Variants in PPP6R3 observed in about 807,000 individuals in gnomAD.
PPP6R3 encodes the protein protein phosphatase 6 regulatory subunit 3.
In PPP6R3, 38 loss-of-function variants were observed where a neutral mutation model predicts 110.7. The observed-to-expected ratio is 0.34, with a 90% confidence interval of 0.26 to 0.45. PPP6R3 has a LOEUF of 0.45. Among genes scored for constraint, PPP6R3 ranks in the 20% least tolerant of loss-of-function variants. The probability of loss-of-function intolerance (pLI) is 1.00; values close to 1 mark genes in which losing one functional copy is unlikely to be tolerated. For missense variants in PPP6R3, 870 were observed against 1,062.4 expected (o/e 0.82, Z 2.52); for synonymous variants, 369 against 373.5 (o/e 0.99, Z 0.14).
At chr11:68,518,303 CTCTT>C (rs1304050006) in intron 1 of PPP6R3, among the ~76,000 whole-genome samples, 1 of 152,182 alleles carries the variant, frequency 6.6e-6, no homozygotes, top group Non-Finnish European at 1.5e-5. Context: ...ATCATCTTGT[CTCTT>C]TCTGTGATGC....
intron 22 of PPP6R3, among the ~76,000 whole-genome samples, chr11:68,606,111 T>TA (rs1939609394): frequency 6.6e-6 from 1 of 152,218 alleles, no homozygotes; most frequent in South Asian, 2.1e-4. Flanking sequence ...AGTTAGGGTT[T>TA]ATCCTGGAAG....
intron 5 of PPP6R3, among the ~76,000 whole-genome samples, chr11:68,550,200 T>C (rs1345742377): frequency 5.3e-5 from 8 of 152,224 alleles, no homozygotes; most frequent in Admixed American, 4.6e-4. Flanking sequence ...TATTAAAATA[T>C]GAAGTTGGGC....
chr11:68,494,490 T>C (rs1248842421), intron 1 of PPP6R3, among the ~76,000 whole-genome samples: 2 of 151,760 alleles, frequency 1.3e-5, no homozygotes, highest in Non-Finnish European at 2.9e-5. Flanking sequence ...TTTCCCTATA[T>C]TCCCCTTCTA....
At chr11:68,462,605 T>A (rs1369812019) in intron 1 of PPP6R3, among the ~76,000 whole-genome samples, 1 of 152,194 alleles carries the variant, frequency 6.6e-6, no homozygotes, top group Admixed American at 6.5e-5. Flanking sequence ...TCAGCAAAGA[T>A]AGTTTGGGAA....
At chr11:68,497,003 A>C (rs980017648) in intron 1 of PPP6R3, among the ~76,000 whole-genome samples, 3 of 150,608 alleles carry the variant, frequency 2.0e-5, no homozygotes, top group Non-Finnish European at 4.4e-5. Flanking sequence ...CTGGGACTAC[A>C]GGTGCCCACC....
chr11:68,558,803 G>C (rs998224865), intron 8 of PPP6R3, 124 bp downstream of exon 8: 2 of 711,208 alleles, frequency 2.8e-6, no homozygotes, highest in African/African-American at 3.7e-5. Flanking sequence ...TTCTTCTTCT[G>C]CTATATAAAC....
chr11:68,532,926 C>T (rs572977257), intron 2 of PPP6R3, among the ~76,000 whole-genome samples: 18 of 152,294 alleles, frequency 1.2e-4, no homozygotes, highest in African/African-American at 2.6e-4. Flanking sequence ...TGCACAACGA[C>T]GAAGTCACCT....
At chr11:68,494,578 AAATT>A (rs1443396861) in intron 1 of PPP6R3, among the ~76,000 whole-genome samples, 1 of 152,138 alleles carries the variant, frequency 6.6e-6, no homozygotes, top group East Asian at 1.9e-4. Flanking sequence ...TTCATTAAGA[AAATT>A]AATGAAAAAT....
At chr11:68,534,003 T>C (rs1439011305) in intron 2 of PPP6R3, among the ~76,000 whole-genome samples, 1 of 152,170 alleles carries the variant, frequency 6.6e-6, no homozygotes, top group African/African-American at 2.4e-5. Context: ...ATGTTTTGGT[T>C]CTGCCATCCC....
intron 22 of PPP6R3, among the ~76,000 whole-genome samples, chr11:68,608,162 G>A (rs1235352750): frequency 6.6e-6 from 1 of 151,804 alleles, no homozygotes; most frequent in East Asian, 1.9e-4. Context: ...ATGGCAAACT[G>A]AAAAAAACAT....
chr11:68,564,496 G>A (rs1174919105), intron 9 of PPP6R3, 64 bp downstream of exon 9: 4 of 1,569,192 alleles, frequency 2.5e-6, no homozygotes, highest in African/African-American at 2.7e-5. Context: ...TCATTCGAAT[G>A]TGTACGGGCC....
rs1048585913 is a variant in PPP6R3, at chr11:68,599,850, G to A, written c.2039-491G>A. On this transcript the variant is annotated intron_variant, in intron 19 of 23. Coordinates refer to ENST00000393800, the MANE Select transcript of PPP6R3 (RefSeq NM_001164161.2). ...AGAAATGGGAGGTTTGAGGCCAGGC[G>A]CGGTGGCTCACGCCTGTAATCCCAG... Among the ~76,000 whole-genome samples, 16 of 152,276 alleles carry A rather than the reference G, an allele frequency of 1.1e-4. No homozygotes were observed. The East Asian group carries it at 1.2e-3, about 11-fold the overall frequency.
chr11:68,612,790 T>C (rs142610941), intron 23 of PPP6R3: 2 of 474,360 alleles, frequency 4.2e-6, no homozygotes, highest in South Asian at 4.2e-5. Flanking sequence ...TCCCTGTGCT[T>C]CTTGGAGGCC....
intron 1 of PPP6R3, among the ~76,000 whole-genome samples, chr11:68,479,531 A>G (rs776976075): frequency 4.3e-4 from 66 of 152,232 alleles, no homozygotes; most frequent in African/African-American, 1.1e-3. Flanking sequence ...TTCCCTTAGC[A>G]CTTTGACAGC....
chr11:68,565,940 A>AGG (rs1043996149), intron 9 of PPP6R3, among the ~76,000 whole-genome samples: 13 of 152,242 alleles, frequency 8.5e-5, no homozygotes, highest in African/African-American at 3.1e-4. Flanking sequence ...TGGGAGCCAG[A>AGG]GGGAGTGAGG....
At chr11:68,552,970 C>A (rs940786890) in intron 6 of PPP6R3, among the ~76,000 whole-genome samples, 1 of 152,204 alleles carries the variant, frequency 6.6e-6, no homozygotes, top group African/African-American at 2.4e-5. Context: ...CCTGTTGACA[C>A]TTCTGTTTTG....
Position 68,612,924 on chromosome 11 carries a change from A to ACATAT in PPP6R3, c.2571-138_2571-134dup, listed in dbSNP as rs543721930. On this transcript the variant is annotated intron_variant, in intron 23 of 23. Transcript: ENST00000393800. ...TCTAGAGCTTTTGCTCCATTCATTT[A>ACATAT]CATATCATTTTATTAAAAACTTACT... is the stretch of plus-strand genomic sequence containing the variant. The ACATAT allele has an allele frequency of 2.2e-3, 3,192 of 1,446,986 alleles. 93 individuals carry two copies. The South Asian group carries it at 0.041, about 19-fold the overall frequency. 89.6% of individuals were successfully genotyped at this position (1,446,986 alleles called of 1,614,324 possible).
chr11:68,591,494 C>A, intron 17 of PPP6R3, 82 bp from the exon 18 acceptor site: 2 of 1,332,732 alleles, frequency 1.5e-6, no homozygotes, highest in South Asian at 1.6e-5. Context: ...TGAAAAAATG[C>A]AATTTACATT....
intron 14 of PPP6R3, among the ~76,000 whole-genome samples, chr11:68,579,949 A>G (rs1185199453): frequency 6.6e-6 from 1 of 152,230 alleles, no homozygotes; most frequent in Non-Finnish European, 1.5e-5. Flanking sequence ...TGCCTTTGTC[A>G]CAATGTATCC....
Sources: allele counts gnomAD v4.1 joint callset (sites outside exome capture counted in the v4.1 genomes callset), GRCh38; gene constraint gnomAD v4.1.1; transcripts MANE v1.5; gene names NCBI Gene and HGNC (gene_info 2026-07-23, HGNC 2026-07-21).